PHF8: variants seen among roughly 807,000 people sequenced by gnomAD.
PHF8 encodes the protein histone lysine demethylase PHF8.
Under a neutral mutation model 74.4 loss-of-function variants are expected in PHF8, and 9 were observed. The ratio of observed to expected loss-of-function variants is 0.12; its 90% CI spans 0.07 to 0.21. PHF8 has a LOEUF of 0.21. Ranked by LOEUF, PHF8 falls within the 10% of genes least tolerant of loss-of-function variation. The pLI is 1.00. For synonymous variants in PHF8, 311 were observed against 316.6 expected, an observed-to-expected ratio of 0.98 and a Z score of 0.19; for missense variants, 478 against 816.6, an observed-to-expected ratio of 0.59 and a Z score of 5.05.
chrX:53,978,763 C>A (rs1047967134), intron 18 of PHF8, among the ~76,000 whole-genome samples: 12 of 104,143 alleles, frequency 1.2e-4, no homozygotes, highest in Non-Finnish European at 1.8e-4. Context: ...ACGCCATTGC[C>A]CTCCAGCCCA....
chrX:53,959,262 G>A (rs782622998), intron 19 of PHF8, among the ~76,000 whole-genome samples: 1 of 111,124 alleles, frequency 9.0e-6, no homozygotes, highest in East Asian at 2.8e-4. Context: ...GTTACAAAAG[G>A]GAATGTACCC....
chrX:54,026,127 G>T (rs2066262632), intron 2 of PHF8, among the ~76,000 whole-genome samples: 1 of 111,348 alleles, frequency 9.0e-6, no homozygotes, highest in South Asian at 3.7e-4. Context: ...GCTGAGGCGG[G>T]TGGATCACCT....
chrX:53,978,286 G>A (rs782651301), intron 18 of PHF8, among the ~76,000 whole-genome samples: 2 of 110,160 alleles, frequency 1.8e-5, no homozygotes, highest in East Asian at 2.9e-4. Context: ...TGCCCATACC[G>A]CCCAGGAATC....
chrX:53,953,775 G>A (rs1557087813), intron 19 of PHF8, among the ~76,000 whole-genome samples: 4 of 111,017 alleles, frequency 3.6e-5, no homozygotes, highest in African/African-American at 6.6e-5. Flanking sequence ...ATATTGAGTC[G>A]AACTTTGGCA....
chrX:54,029,134 T>C (rs1303082198), intron 2 of PHF8, among the ~76,000 whole-genome samples: 1 of 111,941 alleles, frequency 8.9e-6, no homozygotes, highest in East Asian at 2.8e-4. Context: ...ATTGTGTTAA[T>C]TTGTCATCCT....
intron 11 of PHF8, among the ~76,000 whole-genome samples, chrX:53,996,703 C>T (rs943617764): frequency 1.8e-5 from 2 of 110,583 alleles, no homozygotes; most frequent in Non-Finnish European, 3.8e-5. Flanking sequence ...CGTACCACCA[C>T]GCCCGGCTAA....
intron 2 of PHF8, among the ~76,000 whole-genome samples, chrX:54,026,624 C>T (rs2146471252): frequency 9.0e-6 from 1 of 110,803 alleles, no homozygotes; most frequent in South Asian, 3.8e-4. Flanking sequence ...GAGTCAGGGT[C>T]TCACTGGGTT....
At chrX:54,008,093 G>A (rs2065923031) in intron 8 of PHF8, among the ~76,000 whole-genome samples, 1 of 111,940 alleles carries the variant, frequency 8.9e-6, no homozygotes, top group Admixed American at 9.5e-5. Context: ...GAAGTGGTCG[G>A]CGCAGTGGCT....
At chrX:53,984,269 G>C (rs1557098823) in intron 18 of PHF8, among the ~76,000 whole-genome samples, 1 of 111,566 alleles carries the variant, frequency 9.0e-6, no homozygotes, top group East Asian at 2.8e-4. Flanking sequence ...GGGAGGCTGA[G>C]GCACGAGAAT....
intron 2 of PHF8, among the ~76,000 whole-genome samples, chrX:54,035,711 G>A (rs2066441896): frequency 9.0e-6 from 1 of 111,138 alleles, no homozygotes; most frequent in Non-Finnish European, 1.9e-5. Context: ...GCTGAAGCAT[G>A]AGGAGATTGC....
chrX:53,937,863 C>T lies in PHF8; in HGVS notation c.*1295G>A. 5 of 573,789 alleles carry T rather than the reference C, an allele frequency of 8.7e-6. No homozygotes were observed. The South Asian group carries it at 1.1e-4, about 13-fold the overall frequency. 47.3% of individuals were successfully genotyped at this position (573,789 alleles called of 1,213,427 possible). A position where few individuals can be genotyped will look rare whatever the true frequency, so the allele number is the denominator to read the frequency against. The stretch of plus-strand genomic sequence containing the variant: ...ATGGAGGTGGGGGGATGTTCTCCAT[C>T]GAGTCCAGATTGCCAGTGAGGCAAG... On this transcript the variant is annotated 3_prime_UTR_variant, in exon 22 of 22. Transcript: ENST00000338154.
Position 54,043,882 on chromosome X carries a change from C to A in PHF8, c.-213G>T. 1.3e-6 allele frequency: 1 copy of A among 753,770 alleles called. No homozygotes were observed. The highest frequency in any genetic ancestry group is 1.6e-6 in the Non-Finnish European group (1 of 638,292). 62.1% of individuals were successfully genotyped at this position (753,770 alleles called of 1,213,427 possible). A position where few individuals can be genotyped will look rare whatever the true frequency, so the allele number is the denominator to read the frequency against. ...TGCTTTGGGCTGCAAGGACTCCACGCCCGCGGAGCTCAGCCCCAGCGACAC... is the reference window on the plus strand; with the variant it reads ...TGCTTTGGGCTGCAAGGACTCCACGACCGCGGAGCTCAGCCCCAGCGACAC... On this transcript the variant is annotated 5_prime_UTR_variant, in exon 1 of 22. Transcript: ENST00000338154.
In PHF8 at chrX:54,021,510, C is replaced by T. The variant is rs373813918; in HGVS notation, c.293+749G>A. On this transcript the variant is annotated intron_variant, in intron 4 of 21. Coordinates refer to ENST00000338154, the MANE Select transcript of PHF8 (RefSeq NM_015107.3). ...TTGAGACGGAGTCTCGCTCTGTCGC[C>T]CAGGCTGGAGTGCAGTGGTGGGATC... Among the ~76,000 whole-genome samples, 280 of 91,097 alleles carry T rather than the reference C, an allele frequency of 3.1e-3. 3 individuals are homozygous for T. The highest frequency in any genetic ancestry group is 0.011 in the African/African-American group (262 of 23,129). The allele number at this position is 91,097 out of a possible 115,157, so 79.1% of individuals were successfully genotyped here. A position where few individuals can be genotyped will look rare whatever the true frequency, so the allele number is the denominator to read the frequency against.
chrX:54,022,211 T>A, intron 4 of PHF8, 48 bp downstream of exon 4: 1 of 756,601 alleles, frequency 1.3e-6, no homozygotes, highest in Non-Finnish European at 2.1e-6. Context: ...GAGTTCCAGC[T>A]TCCCAGAGCC....
intron 10 of PHF8, 28 bp downstream of exon 10, chrX:54,002,127 A>C (rs1166756761): frequency 1.1e-6 from 1 of 911,567 alleles, no homozygotes; most frequent in East Asian, 3.1e-5. Context: ...AGAGGGGCAA[A>C]AAGGACAGTT....
At position 53,985,094 on chromosome X, in the gene PHF8, T is replaced by C; in HGVS notation, c.2263A>G (p.Ser755Gly). 8.3e-7 allele frequency: 1 copy of C among 1,210,972 alleles called. No homozygotes were observed. Among genetic ancestry groups the C allele is most frequent in the Non-Finnish European group, 1.1e-6 (1 of 895,025 alleles). The change falls in exon 18 of 22, where the codon AGT becomes GGT. Residue 755 changes from serine (S) to glycine (G), a missense_variant. Around this residue, in one of 9 missense-constraint regions of PHF8, gnomAD observed 51 missense variants for 45.8 expected, o/e 1.11. Coordinates refer to ENST00000338154, the MANE Select transcript of PHF8 (RefSeq NM_015107.3). The part of the protein sequence containing the change: ...AWWTGGQDRS[S>G]GSSSSGLGTV... ...CCCAGCCCACTGCTGGAGCTCCCAC[T>C]GCTTCGATCCTGTCCCCCAGTCCAC...
intron 19 of PHF8, among the ~76,000 whole-genome samples, chrX:53,948,484 G>A (rs2064866891): frequency 9.1e-6 from 1 of 110,074 alleles, no homozygotes; most frequent in Admixed American, 9.7e-5. Flanking sequence ...TGTTGGCCAG[G>A]CTGGTCTTAA....
intron 2 of PHF8, among the ~76,000 whole-genome samples, chrX:54,026,908 C>T (rs1161646030): frequency 9.0e-6 from 1 of 111,443 alleles, no homozygotes; most frequent in Non-Finnish European, 1.9e-5. Context: ...CCAGCCACTT[C>T]CTACTTCTAC....
intron 2 of PHF8, among the ~76,000 whole-genome samples, chrX:54,024,718 G>C (rs2066237892): frequency 8.9e-6 from 1 of 111,940 alleles, no homozygotes; most frequent in Non-Finnish European, 1.9e-5. Context: ...TTTACTACAG[G>C]TCTGTGGTAA....
Sources: gnomAD v4.1 joint callset for allele counts (sites outside exome capture counted in the v4.1 genomes callset) on GRCh38, gnomAD v4.1.1 for gene constraint, gnomAD v4.1.1 regional missense constraint, MANE v1.5 for transcripts, NCBI Gene and HGNC (gene_info 2026-07-23, HGNC 2026-07-21) for gene names.